The following TP73 variants were observed in gnomAD, a reference collection of about 807,000 sequenced individuals.
TP73 encodes p53-like transcription factor.
A neutral mutation model predicts 62.5 loss-of-function variants in TP73; 25 were observed. The observed-to-expected ratio is 0.40, with a 90% CI of 0.29 to 0.56. The LOEUF (loss-of-function observed/expected upper bound fraction) is 0.56, where lower values mean the gene tolerates loss of function less well. TP73 is among the 20% of genes least tolerant of loss of function. The pLI is 0.46. For synonymous variants in TP73, 423 were observed against 377.5 expected, an observed-to-expected ratio of 1.12 and a Z score of -1.40; for missense variants, 754 against 913.3, an observed-to-expected ratio of 0.83 and a Z score of 2.25.
chr1:3,693,425 C>T (rs1001773947), intron 3 of TP73, among the ~76,000 whole-genome samples: 3 of 152,136 alleles, frequency 2.0e-5, no homozygotes, highest in East Asian at 3.8e-4. Flanking sequence ...AGGACACTGT[C>T]TGAGCCCCCA....
At chr1:3,719,539 G>A (rs1221574252) in intron 4 of TP73, among the ~76,000 whole-genome samples, 3 of 152,226 alleles carry the variant, frequency 2.0e-5, no homozygotes, top group Non-Finnish European at 2.9e-5. Flanking sequence ...AGAGACCAGT[G>A]CCTGGACACA....
rs36060423 is a variant in TP73, at chr1:3,663,695, CA to C, written c.-34+11069del. ...CGTGCAACAATGCGAGACTCCATCT[CA>C]AAAAAAAAAAAAAAGAAAGAAAGAA... On this transcript the variant is annotated intron_variant, in intron 1 of 13. Coordinates refer to ENST00000378295, the MANE Select transcript of TP73 (RefSeq NM_005427.4). The surrounding 1 kb of genome is among the most constrained non-coding windows in gnomAD (Gnocchi z 4.7). Among the ~76,000 whole-genome samples the C allele has an allele frequency of 0.26, 34,669 of 131,006 alleles. 4,508 individuals carry two copies. Among genetic ancestry groups the C allele is most frequent in the East Asian group, 0.39 (1,762 of 4,518 alleles). 85.9% of individuals were successfully genotyped at this position (131,006 alleles called of 152,430 possible). A position where few individuals can be genotyped will look rare whatever the true frequency, so the allele number is the denominator to read the frequency against.
chr1:3,659,370 T>C (rs1644941113), intron 1 of TP73: 1 of 152,158 alleles, frequency 6.6e-6, no homozygotes, highest in African/African-American at 2.4e-5. Flanking sequence ...ATCTCGCTGA[T>C]GAGTATTTCA....
In TP73 at chr1:3,663,579, G is replaced by T. The variant is rs1273874848; in HGVS notation, c.-34+10938G>T. 3.3e-5 allele frequency among the ~76,000 whole-genome samples: 5 copies of T among 152,072 alleles called. No individual in the cohort carries two copies. Among genetic ancestry groups the T allele is most frequent in the Admixed American group, 6.5e-5 (1 of 15,278 alleles). ...AAAATACAAAAAATTAGCCAGGCGT[G>T]GTGGCGGGCGCCTGTAGTCCCAGCT... On this transcript the variant is annotated intron_variant, in intron 1 of 13. Transcript: ENST00000378295. The surrounding 1 kb of genome is among the most constrained non-coding windows in gnomAD (Gnocchi z 4.7).
At chr1:3,679,628 C>T (rs551649493) in intron 1 of TP73, among the ~76,000 whole-genome samples, 9 of 149,930 alleles carry the variant, frequency 6.0e-5, no homozygotes, top group Admixed American at 4.6e-4. Flanking sequence ...CTCTTTGTCC[C>T]TGTCTCTCTG....
rs1052354544 is a variant in TP73 at position 3,701,657 on chromosome 1, A to G, written c.187-5892A>G. ...GTAGCTGGGATTACAGGTGCCCACC[A>G]CCACGCCCAGCTAATTTTTTTTTGT... On this transcript the variant is annotated intron_variant, in intron 3 of 13. Coordinates refer to ENST00000378295, the MANE Select transcript of TP73 (RefSeq NM_005427.4). The surrounding 1 kb of genome is among the most constrained non-coding windows in gnomAD (Gnocchi z 4.7). Among the ~76,000 whole-genome samples, 1 of 151,202 alleles carries G rather than the reference A, an allele frequency of 6.6e-6. No individual in the cohort carries two copies. Among genetic ancestry groups the G allele is most frequent in the African/African-American group, 2.4e-5 (1 of 40,862 alleles).
Position 3,699,794 on chromosome 1 carries a change from G to T in TP73, c.187-7755G>T, listed in dbSNP as rs951140078. Among the ~76,000 whole-genome samples, 1 of 152,214 alleles carries T rather than the reference G, an allele frequency of 6.6e-6. No individual in the cohort carries two copies. The highest frequency in any genetic ancestry group is 1.5e-5 in the Non-Finnish European group (1 of 68,030). ...CGAGGGAGGCGGAGGTGGAGCTGGG[G>T]AGGGGCCAGCGGGGCGTCAGGATTT... is the stretch of plus-strand genomic sequence containing the variant. On this transcript the variant is annotated intron_variant, in intron 3 of 13. Coordinates refer to ENST00000378295, the MANE Select transcript of TP73 (RefSeq NM_005427.4). This position sits in a 1 kb window ranked among gnomAD's most constrained non-coding sequence, Gnocchi z 4.1.
chr1:3,688,408 C>G (rs1645720013), intron 3 of TP73, among the ~76,000 whole-genome samples: 2 of 152,326 alleles, frequency 1.3e-5, no homozygotes, highest in African/African-American at 4.8e-5. Flanking sequence ...AACGAAGTCC[C>G]CCTGTCTGTT....
chr1:3,671,499 C>T (rs1325565063), intron 1 of TP73, among the ~76,000 whole-genome samples: 1 of 152,202 alleles, frequency 6.6e-6, no homozygotes, highest in African/African-American at 2.4e-5. Flanking sequence ...TCGTCGGGAG[C>T]CCCCTTCGTG....
intron 4 of TP73, among the ~76,000 whole-genome samples, chr1:3,718,946 C>A (rs938503378): frequency 3.5e-4 from 53 of 152,246 alleles, no homozygotes; most frequent in African/African-American, 1.2e-3. Context: ...ACCTGCAGGC[C>A]ACTGTGTTCC....
chr1:3,675,028 T>C (rs1362886878), intron 1 of TP73, among the ~76,000 whole-genome samples: 2 of 148,556 alleles, frequency 1.3e-5, no homozygotes, highest in Admixed American at 1.3e-4. Context: ...CCTCCCACAA[T>C]GGCCCAGGTG....
intron 1 of TP73, among the ~76,000 whole-genome samples, chr1:3,654,896 G>A (rs1319321538): frequency 1.3e-5 from 2 of 152,230 alleles, no homozygotes; most frequent in Non-Finnish European, 2.9e-5. Context: ...CACTGAGCAC[G>A]TGTGAAAGGC....
At chr1:3,678,288 C>T (rs574662594) in intron 1 of TP73, among the ~76,000 whole-genome samples, 403 of 152,380 alleles carry the variant, frequency 2.6e-3, no homozygotes, top group Non-Finnish European at 3.8e-3. Flanking sequence ...TTATTTTTCT[C>T]GCCACTGGGA....
chr1:3,720,141 G>A (rs576169730), intron 4 of TP73, among the ~76,000 whole-genome samples: 7 of 152,174 alleles, frequency 4.6e-5, no homozygotes, highest in African/African-American at 1.4e-4. Flanking sequence ...CAGGCTGGTC[G>A]AACTCCTGAC....
chr1:3,655,970 G>A (rs1031511392), intron 1 of TP73, among the ~76,000 whole-genome samples: 1 of 152,170 alleles, frequency 6.6e-6, no homozygotes, highest in African/African-American at 2.4e-5. Context: ...GAGGTCAGGA[G>A]ATCAAGACCA....
At chr1:3,714,612 C>T (rs569250777) in intron 4 of TP73, among the ~76,000 whole-genome samples, 11 of 152,364 alleles carry the variant, frequency 7.2e-5, no homozygotes, top group African/African-American at 1.2e-4. Context: ...TGCCAGAGGC[C>T]GGAGGAGAGG....
Position 3,728,124 on chromosome 1 carries a change from T to C in TP73, c.986-5T>C, listed in dbSNP as rs779870407. The C allele has an allele frequency of 2.5e-6, 4 of 1,608,940 alleles. No homozygotes were observed. Among genetic ancestry groups the C allele is most frequent in the Non-Finnish European group, 3.4e-6 (4 of 1,179,400 alleles). Reference sequence around the variant, plus strand: ...TCACCCCGCCTGCCCTGCCTGGCCTTCCAGCCTTCAAGCAGAGCCCCCCTG... The same window carrying C: ...TCACCCCGCCTGCCCTGCCTGGCCTCCCAGCCTTCAAGCAGAGCCCCCCTG... On this transcript the variant is annotated splice_polypyrimidine_tract_variant and splice_region_variant and intron_variant, in intron 8 of 13. Transcript: ENST00000378295.
At chr1:3,714,187 C>G (rs1367623690) in intron 4 of TP73, 1 of 152,228 alleles carries the variant, frequency 6.6e-6, no homozygotes. Context: ...CAACTATTAC[C>G]TTAAAAGCTG....
chr1:3,687,731 C>T (rs942517065), intron 3 of TP73, among the ~76,000 whole-genome samples: 1 of 152,138 alleles, frequency 6.6e-6, no homozygotes, highest in Non-Finnish European at 1.5e-5. Context: ...CTAGAGCCTC[C>T]TCCAGGGCTG....
Sources: gnomAD v4.1 joint callset for allele counts (sites outside exome capture counted in the v4.1 genomes callset) on GRCh38, gnomAD v4.1.1 for gene constraint, Gnocchi (gnomAD v3.1) non-coding constraint, MANE v1.5 for transcripts, NCBI Gene and HGNC (gene_info 2026-07-23, HGNC 2026-07-21) for gene names.